Variants in AKAP3 observed in about 807,000 individuals in gnomAD.
AKAP3 encodes the protein A-kinase anchoring protein 3, also known as A-kinase anchor protein 3.
A neutral mutation model predicts 57.2 loss-of-function variants in AKAP3; 27 were observed. That is an observed-to-expected ratio of 0.47 (90% CI 0.35 to 0.65). AKAP3 has a LOEUF of 0.65. AKAP3 is among the 30% of genes least tolerant of loss of function. AKAP3 has a pLI of 0.01. For synonymous variants in AKAP3, 334 were observed against 392.3 expected, an observed-to-expected ratio of 0.85 and a Z score of 1.76; for missense variants, 959 against 1,040.0, an observed-to-expected ratio of 0.92 and a Z score of 1.07.
intron 4 of AKAP3, among the ~76,000 whole-genome samples, chr12:4,632,785 T>C (rs7133467): frequency 0.25 from 37,940 of 151,876 alleles, 5,351 homozygotes; most frequent in South Asian, 0.43. Flanking sequence ...GGACTACAGG[T>C]GCCCGCCATC....
intron 4 of AKAP3, chr12:4,635,956 A>AT: frequency 9.5e-7 from 1 of 1,057,334 alleles, no homozygotes; most frequent in Non-Finnish European, 1.5e-6. Flanking sequence ...TTTTGGGCCC[A>AT]TATTTCACAA....
rs760235354 is a variant in AKAP3 at position 4,639,497 on chromosome 12, T to C, written c.1-1301A>G. Among the ~76,000 whole-genome samples the C allele has an allele frequency of 2.6e-5, 4 of 152,304 alleles. No individual in the cohort carries two copies. The East Asian group carries it at 7.7e-4, about 29-fold the overall frequency. On this transcript the variant is annotated intron_variant, in intron 3 of 5. Transcript: ENST00000228850. ...AACGTGCAGGTTTGTTACATATGTA[T>C]ACGTGTGCTGTCTTGGTTTGCTGCC...
At chr12:4,619,972 T>C (rs1050649307) in intron 5 of AKAP3, among the ~76,000 whole-genome samples, 6 of 152,176 alleles carry the variant, frequency 3.9e-5, no homozygotes, top group African/African-American at 7.2e-5. Context: ...AAATTTATAA[T>C]GATGGAAAGG....
intron 3 of AKAP3, among the ~76,000 whole-genome samples, chr12:4,638,994 C>A (rs916603085): frequency 6.6e-6 from 1 of 152,238 alleles, no homozygotes; most frequent in Non-Finnish European, 1.5e-5. Context: ...AAGCTTCCCT[C>A]TAGCTACTAT....
At chr12:4,617,271 C>A (rs1945296312) in intron 5 of AKAP3, among the ~76,000 whole-genome samples, 1 of 152,102 alleles carries the variant, frequency 6.6e-6, no homozygotes, top group Non-Finnish European at 1.5e-5. Flanking sequence ...AAGACATTGT[C>A]AGATTAAATA....
chr12:4,627,185 G>C lies in AKAP3; in HGVS notation c.1717C>G (p.Leu573Val), dbSNP rs1305564395. Residue 573 changes from leucine to valine, a missense_variant, in exon 5 of 6, where the codon CTT (leucine) becomes GTT (valine). Physicochemically the swap from Leu to Val is conservative, Grantham distance 32. Coordinates refer to ENST00000228850, the MANE Select transcript of AKAP3 (RefSeq NM_001278309.2). ...EPPVAPDESC[L>V]KSAPIVGDQE... ...TCACCTACAATGGGAGCAGACTTAA[G>C]GCAAGATTCATCGGGAGCTACAGGA... is the stretch of plus-strand genomic sequence containing the variant. The C allele has an allele frequency of 1.2e-6, 2 of 1,613,982 alleles. No individual in the cohort carries two copies. The highest frequency in any genetic ancestry group is 1.7e-6 in the Non-Finnish European group (2 of 1,180,026).
chr12:4,643,219 A>G (rs1945658236), intron 2 of AKAP3, among the ~76,000 whole-genome samples: 1 of 152,188 alleles, frequency 6.6e-6, no homozygotes, highest in Non-Finnish European at 1.5e-5. Flanking sequence ...TAGCTGCATC[A>G]TGAAGCTTGT....
chr12:4,642,632 C>T (rs10774255), intron 2 of AKAP3, among the ~76,000 whole-genome samples: 59,115 of 152,000 alleles, frequency 0.39, 11,708 homozygotes, highest in Middle Eastern at 0.51. Context: ...GAAATATTTT[C>T]TAGATACCTA....
chr12:4,641,062 CTTTTTTT>C (rs374817430), intron 3 of AKAP3, among the ~76,000 whole-genome samples: 3 of 68,714 alleles, frequency 4.4e-5, no homozygotes, highest in South Asian at 1.6e-3. Context: ...TTCTAACTTC[CTTTTTTT>C]TTTTTTTTTT....
At chr12:4,629,123 A>T (rs957370867) in intron 4 of AKAP3, among the ~76,000 whole-genome samples, 1 of 152,236 alleles carries the variant, frequency 6.6e-6, no homozygotes, top group African/African-American at 2.4e-5. Context: ...CTAACCATTG[A>T]TGGAGCAGAA....
chr12:4,620,968 T>C (rs942913735), intron 5 of AKAP3, among the ~76,000 whole-genome samples: 2 of 152,226 alleles, frequency 1.3e-5, no homozygotes, highest in African/African-American at 4.8e-5. Context: ...ATTGTCATCA[T>C]AGGACATAAT....
chr12:4,635,790 T>C, intron 4 of AKAP3: 1 of 703,146 alleles, frequency 1.4e-6, no homozygotes, highest in South Asian at 1.6e-5. Flanking sequence ...TATACTGTAG[T>C]GTCATCAAGA....
chr12:4,624,127 C>T (rs958447778), intron 5 of AKAP3, among the ~76,000 whole-genome samples: 1 of 151,904 alleles, frequency 6.6e-6, no homozygotes. Context: ...GCTTACAGTG[C>T]AGAATAGTGG....
intron 4 of AKAP3, among the ~76,000 whole-genome samples, chr12:4,633,472 G>T (rs1405527866): frequency 6.6e-6 from 1 of 152,160 alleles, no homozygotes; most frequent in South Asian, 2.1e-4. Flanking sequence ...TGCAAAAGGG[G>T]TTAATCCAAC....
At chr12:4,632,441 CTG>C (rs1488685193) in intron 4 of AKAP3, among the ~76,000 whole-genome samples, 2 of 152,100 alleles carry the variant, frequency 1.3e-5, no homozygotes, top group Admixed American at 1.3e-4. Context: ...ATAATCATAA[CTG>C]TTAACTTTGG....
intron 5 of AKAP3, among the ~76,000 whole-genome samples, chr12:4,617,193 G>T (rs12828416): frequency 0.46 from 69,668 of 152,070 alleles, 16,535 homozygotes; most frequent in Middle Eastern, 0.56. Context: ...ACTGCTAAGA[G>T]AAAAAAACTT....
At chr12:4,638,293 T>C (rs1484345393) in intron 3 of AKAP3, 97 bp from the exon 4 acceptor site, 1 of 839,758 alleles carries the variant, frequency 1.2e-6, no homozygotes, top group Non-Finnish European at 1.9e-6. Flanking sequence ...ACGGGAAAGA[T>C]GAACAATGCC....
At chr12:4,617,666 T>C (rs2884671) in intron 5 of AKAP3, among the ~76,000 whole-genome samples, 75,658 of 151,114 alleles carry the variant, frequency 0.5, 19,348 homozygotes, top group East Asian at 0.81. Context: ...GCAAGAGAAT[T>C]GCTTGAACCC....
chr12:4,629,831 C>T (rs1057288612), intron 4 of AKAP3, among the ~76,000 whole-genome samples: 2 of 152,150 alleles, frequency 1.3e-5, no homozygotes. Flanking sequence ...CTTTGCCAGG[C>T]TGCACAAACA....
Sources: gnomAD v4.1 joint callset for allele counts (sites outside exome capture counted in the v4.1 genomes callset) on GRCh38, gnomAD v4.1.1 for gene constraint, MANE v1.5 for transcripts, NCBI Gene and HGNC (gene_info 2026-07-23, HGNC 2026-07-21) for gene names.